Variants in ROBO1 observed in about 807,000 individuals in gnomAD.
ROBO1 encodes the protein roundabout guidance receptor 1, also known as roundabout homolog 1.
Under a neutral mutation model 195.9 loss-of-function variants are expected in ROBO1, and 149 were observed. The ratio of observed to expected loss-of-function variants is 0.76; its 90% CI spans 0.67 to 0.87. The LOEUF is 0.87. Ranked by LOEUF, ROBO1 falls within the 40% of genes least tolerant of loss-of-function variation. The pLI, the probability that ROBO1 is intolerant of heterozygous loss-of-function variation, is 0.00. For synonymous variants in ROBO1, 816 were observed against 733.2 expected (o/e 1.11, Z -1.82); for missense variants, 1,933 against 2,068.3 (o/e 0.93, Z 1.27).
chr3:78,995,219 C>T (rs1445113877), intron 3 of ROBO1, among the ~76,000 whole-genome samples: 2 of 152,180 alleles, frequency 1.3e-5, no homozygotes, highest in East Asian at 3.8e-4. Context: ...AAGGCACATT[C>T]ATCGCCAGGA....
intron 3 of ROBO1, among the ~76,000 whole-genome samples, chr3:79,020,600 A>C (rs1194358879): frequency 6.6e-6 from 1 of 152,122 alleles, no homozygotes; most frequent in Non-Finnish European, 1.5e-5. Flanking sequence ...GCTAAGACAG[A>C]AGAATTGCTT....
At chr3:78,801,938 G>A (rs1290608540) in intron 4 of ROBO1, among the ~76,000 whole-genome samples, 1 of 152,072 alleles carries the variant, frequency 6.6e-6, no homozygotes, top group Non-Finnish European at 1.5e-5. Context: ...AGTAATCAAT[G>A]TATTTGCTTT....
At chr3:78,954,345 G>A (rs985862844) in intron 3 of ROBO1, among the ~76,000 whole-genome samples, 3 of 151,984 alleles carry the variant, frequency 2.0e-5, no homozygotes, top group Non-Finnish European at 4.4e-5. Flanking sequence ...ATATTACTGA[G>A]TGAATAGTCA....
chr3:79,416,591 G>C (rs778527325), intron 2 of ROBO1, among the ~76,000 whole-genome samples: 4 of 146,424 alleles, frequency 2.7e-5, no homozygotes, highest in Non-Finnish European at 6.0e-5. Flanking sequence ...CTGGGTGAGA[G>C]AGTGAAACTC....
intron 4 of ROBO1, among the ~76,000 whole-genome samples, chr3:78,782,033 T>C (rs1406121344): frequency 6.6e-6 from 1 of 152,194 alleles, no homozygotes; most frequent in African/African-American, 2.4e-5. Flanking sequence ...TCATCTAGCC[T>C]GCTCATTTTG....
chr3:79,431,730 A>G (rs2038687480), intron 2 of ROBO1, among the ~76,000 whole-genome samples: 1 of 152,192 alleles, frequency 6.6e-6, no homozygotes. Context: ...CAATGAAGCT[A>G]AAGCATTGTG....
intron 4 of ROBO1, among the ~76,000 whole-genome samples, chr3:78,818,673 G>C (rs555522159): frequency 1.3e-5 from 2 of 152,200 alleles, no homozygotes; most frequent in African/African-American, 4.8e-5. Context: ...AAGTGCTTCT[G>C]GGAATGTGGT....
chr3:79,475,289 A>G (rs1938493589), intron 2 of ROBO1, among the ~76,000 whole-genome samples: 1 of 152,142 alleles, frequency 6.6e-6, no homozygotes, highest in Non-Finnish European at 1.5e-5. Context: ...ACTATTACGT[A>G]CTTTATCTCA....
Position 79,632,747 on chromosome 3 carries a change from C to CA in ROBO1, c.-50-42787dup, listed in dbSNP as rs532834394. Among the ~76,000 whole-genome samples, 7 of 151,916 alleles carry CA rather than the reference C, an allele frequency of 4.6e-5. No individual in the cohort carries two copies. The South Asian group carries it at 1.5e-3, about 32-fold the overall frequency. The stretch of plus-strand genomic sequence containing the variant: ...GTTAAGCATCTACTTCAGCAAGACA[C>CA]AAAAAACATTACTTCTAAAAGAAAA... On this transcript the variant is annotated intron_variant, in intron 1 of 30. Transcript: ENST00000464233.
Position 78,639,748 on chromosome 3 carries a change from G to A in ROBO1, c.3033C>T (p.Arg1011=), listed in dbSNP as rs759212479. The change falls in exon 22 of 31, where the codon CGC becomes CGT. Residue 1011 remains arginine, a synonymous_variant. Transcript: ENST00000464233. ...GGCTCTCTCTGTGTCCCTAACCTGG[G>A]CGACTGTAGGTAGTGAGGTTGCTGT... ...NSDSNLTTYS[R]PADCIANYNN... 6 of 1,611,876 alleles carry A rather than the reference G, an allele frequency of 3.7e-6. No homozygotes were observed.
intron 2 of ROBO1, among the ~76,000 whole-genome samples, chr3:79,161,718 G>T (rs2080969973): frequency 6.6e-6 from 1 of 152,012 alleles, no homozygotes; most frequent in Non-Finnish European, 1.5e-5. Context: ...ATTTGTGCAG[G>T]TGCTTTATTG....
chr3:79,724,782 C>A (rs1326073750), intron 1 of ROBO1, among the ~76,000 whole-genome samples: 1 of 152,188 alleles, frequency 6.6e-6, no homozygotes, highest in Non-Finnish European at 1.5e-5. Context: ...TGAGATAAAT[C>A]AATGTGTTTT....
intron 2 of ROBO1, among the ~76,000 whole-genome samples, chr3:79,495,279 A>G (rs1476670599): frequency 1.3e-5 from 2 of 152,210 alleles, no homozygotes; most frequent in Non-Finnish European, 2.9e-5. Context: ...AATCACATAA[A>G]GAGGGGCGAA....
chr3:79,499,330 A>G (rs997114842), intron 2 of ROBO1, among the ~76,000 whole-genome samples: 2 of 152,206 alleles, frequency 1.3e-5, no homozygotes, highest in Non-Finnish European at 2.9e-5. Flanking sequence ...AAGCTGGCTA[A>G]GTCTATCAGA....
chr3:79,477,961 T>C (rs562706548), intron 2 of ROBO1, among the ~76,000 whole-genome samples: 82 of 152,324 alleles, frequency 5.4e-4, no homozygotes, highest in African/African-American at 1.9e-3. Context: ...AATCTATATG[T>C]GACTGTACCT....
intron 3 of ROBO1, among the ~76,000 whole-genome samples, chr3:79,014,732 C>T (rs1576567631): frequency 6.6e-6 from 1 of 152,122 alleles, no homozygotes; most frequent in South Asian, 2.1e-4. Flanking sequence ...GATAACTTTG[C>T]TTTCCTTATA....
At chr3:79,536,693 T>A (rs1248633823) in intron 2 of ROBO1, among the ~76,000 whole-genome samples, 1 of 152,128 alleles carries the variant, frequency 6.6e-6, no homozygotes, top group East Asian at 1.9e-4. Context: ...TTTGATATAA[T>A]TTTTTTCTCA....
chr3:78,826,224 C>T (rs2031586025), intron 4 of ROBO1, among the ~76,000 whole-genome samples: 1 of 152,132 alleles, frequency 6.6e-6, no homozygotes, highest in Non-Finnish European at 1.5e-5. Context: ...CTCCTTTAGT[C>T]TCATGTAATC....
At chr3:79,240,408 A>T (rs1008475530) in intron 2 of ROBO1, among the ~76,000 whole-genome samples, 3 of 152,184 alleles carry the variant, frequency 2.0e-5, no homozygotes. Context: ...AAACACAAAC[A>T]CAGGATTGTG....
Sources: allele counts gnomAD v4.1 joint callset (sites outside exome capture counted in the v4.1 genomes callset), GRCh38; gene constraint gnomAD v4.1.1; transcripts MANE v1.5; gene names NCBI Gene and HGNC (gene_info 2026-07-23, HGNC 2026-07-21).